ARIH1: variants seen among roughly 807,000 people sequenced by gnomAD.
ARIH1 encodes E3 ubiquitin-protein ligase ARIH1.
A neutral mutation model predicts 85.0 loss-of-function variants in ARIH1; 8 were observed. The ratio of observed to expected loss-of-function variants is 0.09; its 90% confidence interval spans 0.06 to 0.17. The LOEUF is 0.17. ARIH1 is among the 10% of genes least tolerant of loss of function. The probability of loss-of-function intolerance (pLI) is 1.00; values close to 1 mark genes in which losing one functional copy is unlikely to be tolerated. For missense variants in ARIH1, 311 were observed against 718.1 expected, an observed-to-expected ratio of 0.43 and a Z score of 6.48; for synonymous variants, 238 against 253.6, an observed-to-expected ratio of 0.94 and a Z score of 0.59.
chr15:72,560,675 G>A (rs1484898204), intron 5 of ARIH1, among the ~76,000 whole-genome samples: 3 of 152,190 alleles, frequency 2.0e-5, no homozygotes, highest in Non-Finnish European at 4.4e-5. Context: ...GAATGTGATA[G>A]GAGTGCACTG....
At chr15:72,566,278 A>G (rs1016568131) in intron 7 of ARIH1, 1 of 375,372 alleles carries the variant, frequency 2.7e-6, no homozygotes. Context: ...ACTTCTCAAT[A>G]TAGTCTGAGG....
intron 8 of ARIH1, among the ~76,000 whole-genome samples, 176 bp downstream of exon 8, chr15:72,566,781 G>C (rs1385719521): frequency 6.6e-6 from 1 of 151,924 alleles, no homozygotes; most frequent in Non-Finnish European, 1.5e-5. Context: ...AGCCAAGTCA[G>C]CTCCTGATTG....
intron 1 of ARIH1, among the ~76,000 whole-genome samples, chr15:72,501,708 T>C (rs1243653362): frequency 6.6e-6 from 1 of 152,160 alleles, no homozygotes; most frequent in African/African-American, 2.4e-5. Context: ...TGTGAACAAA[T>C]AACTGAAAGG....
At chr15:72,505,902 T>G (rs2063922598) in intron 1 of ARIH1, among the ~76,000 whole-genome samples, 1 of 151,978 alleles carries the variant, frequency 6.6e-6, no homozygotes, top group Non-Finnish European at 1.5e-5. Context: ...TAGCGGGTAA[T>G]TTTTTGTGTT....
At chr15:72,480,708 G>A (rs2063813087) in intron 1 of ARIH1, among the ~76,000 whole-genome samples, 1 of 152,104 alleles carries the variant, frequency 6.6e-6, no homozygotes, top group Non-Finnish European at 1.5e-5. Flanking sequence ...AGGATTACAG[G>A]CGTATGCCAC....
At chr15:72,574,572 C>T (rs889030604) in intron 11 of ARIH1, among the ~76,000 whole-genome samples, 17 of 152,316 alleles carry the variant, frequency 1.1e-4, no homozygotes, top group African/African-American at 3.8e-4. Flanking sequence ...TTATATTGTA[C>T]CACAGTGCCG....
intron 5 of ARIH1, among the ~76,000 whole-genome samples, chr15:72,560,583 C>T (rs1436663640): frequency 1.3e-5 from 2 of 152,154 alleles, no homozygotes; most frequent in Non-Finnish European, 2.9e-5. Context: ...TTACAATATT[C>T]TTGTCTTTCC....
In ARIH1 at chr15:72,578,161, T is replaced by C. The variant is rs143584584; in HGVS notation, c.1216-2570T>C. ...TAGCTAACCCTTCACCTTCCACGTT[T>C]TCTTTGCCATATCCACAGTCTCTTT... On this transcript the variant is annotated intron_variant, in intron 11 of 13. Transcript: ENST00000379887. 2.0e-5 allele frequency among the ~76,000 whole-genome samples: 3 copies of C among 152,346 alleles called. No individual in the cohort carries two copies. The East Asian group carries it at 5.8e-4, about 29-fold the overall frequency.
Position 72,583,523 on chromosome 15 carries a change from C to A in ARIH1, c.*231C>A. ...GCCACCAACAAAAGTGTGACAGACACACTAAAAGCCCTCCAACTTTAACTT... is the reference window on the plus strand; with the variant it reads ...GCCACCAACAAAAGTGTGACAGACAAACTAAAAGCCCTCCAACTTTAACTT... On this transcript the variant is annotated 3_prime_UTR_variant, in exon 14 of 14. Coordinates refer to ENST00000379887, the MANE Select transcript of ARIH1 (RefSeq NM_005744.5). 1 of 405,606 alleles carries A rather than the reference C, an allele frequency of 2.5e-6. No homozygotes were observed. Among genetic ancestry groups the A allele is most frequent in the Non-Finnish European group, 4.4e-6 (1 of 228,202 alleles). The allele number at this position is 405,606 out of a possible 1,614,324, so 25.1% of individuals were successfully genotyped here.
At chr15:72,556,154 GTGTA>G (rs1356774502) in intron 5 of ARIH1, among the ~76,000 whole-genome samples, 12 of 152,246 alleles carry the variant, frequency 7.9e-5, no homozygotes, top group African/African-American at 2.9e-4. Flanking sequence ...ATTAGAATGT[GTGTA>G]TGTGTTAGTT....
intron 2 of ARIH1, among the ~76,000 whole-genome samples, chr15:72,529,127 G>C (rs573636650): frequency 7.2e-5 from 11 of 151,796 alleles, no homozygotes; most frequent in African/African-American, 2.7e-4. Flanking sequence ...GTGAACCCAG[G>C]AGGCGGAGCT....
chr15:72,481,053 G>A (rs1178321283), intron 1 of ARIH1, among the ~76,000 whole-genome samples: 1 of 152,230 alleles, frequency 6.6e-6, no homozygotes, highest in African/African-American at 2.4e-5. Flanking sequence ...AGAGGAGGAA[G>A]AGGGTGTACA....
rs533934491 is a variant in ARIH1, at chr15:72,559,550, C to T, written c.738-1933C>T. 7.8e-4 allele frequency among the ~76,000 whole-genome samples: 119 copies of T among 152,198 alleles called. 2 individuals are homozygous for T. Among genetic ancestry groups the T allele is most frequent in the South Asian group, 4.2e-3 (20 of 4,816 alleles). Reference sequence around the variant, plus strand: ...CCTCCCAAAGTGCTAAGATTACGGGCGTGAGCAACCGCACATGGCCAGCAA... The same window carrying T: ...CCTCCCAAAGTGCTAAGATTACGGGTGTGAGCAACCGCACATGGCCAGCAA... On this transcript the variant is annotated intron_variant, in intron 5 of 13. Coordinates refer to ENST00000379887, the MANE Select transcript of ARIH1 (RefSeq NM_005744.5).
intron 3 of ARIH1, among the ~76,000 whole-genome samples, chr15:72,551,392 T>C (rs2064152292): frequency 6.6e-6 from 1 of 152,144 alleles, no homozygotes; most frequent in Admixed American, 6.5e-5. Flanking sequence ...TAGAGTCAAA[T>C]ATGCATGAGG....
At chr15:72,533,828 GC>G (rs1183424334) in intron 2 of ARIH1, among the ~76,000 whole-genome samples, 1 of 152,088 alleles carries the variant, frequency 6.6e-6, no homozygotes, top group Non-Finnish European at 1.5e-5. Context: ...GATTGCTGGA[GC>G]CTAGGAGGTC....
chr15:72,491,932 C>T (rs1398116638), intron 1 of ARIH1, among the ~76,000 whole-genome samples: 1 of 152,160 alleles, frequency 6.6e-6, no homozygotes, highest in East Asian at 1.9e-4. Flanking sequence ...AACTCTTCTA[C>T]CTTTTTCCAT....
chr15:72,520,023 A>G (rs2063992613), intron 2 of ARIH1, among the ~76,000 whole-genome samples: 1 of 152,106 alleles, frequency 6.6e-6, no homozygotes, highest in South Asian at 2.1e-4. Context: ...ATTGTACTTA[A>G]TATTTGTGTA....
intron 2 of ARIH1, among the ~76,000 whole-genome samples, chr15:72,524,573 A>T (rs1254539290): frequency 2.0e-5 from 3 of 152,208 alleles, no homozygotes; most frequent in Non-Finnish European, 2.9e-5. Flanking sequence ...CCTCAAGAAG[A>T]AGTAGAAAAA....
intron 5 of ARIH1, 119 bp downstream of exon 5, chr15:72,556,026 C>T (rs946260758): frequency 2.5e-6 from 2 of 804,256 alleles, no homozygotes; most frequent in African/African-American, 3.5e-5. Flanking sequence ...ACTTTTTAAT[C>T]TGCGTTCCTT....
Sources: gnomAD v4.1 joint callset for allele counts (sites outside exome capture counted in the v4.1 genomes callset) on GRCh38, gnomAD v4.1.1 for gene constraint, MANE v1.5 for transcripts, NCBI Gene and HGNC (gene_info 2026-07-23, HGNC 2026-07-21) for gene names.